DYM: variants seen among roughly 807,000 people sequenced by gnomAD.
The protein encoded by DYM is dyggve-Melchior-Clausen syndrome protein.
In DYM, 78 loss-of-function variants were observed where a neutral mutation model predicts 93.1. The ratio of observed to expected loss-of-function variants is 0.84; its 90% CI spans 0.70 to 1.01. The LOEUF is 1.01. Ranked by LOEUF, DYM falls within the 50% of genes least tolerant of loss-of-function variation. The pLI is 0.00. For missense variants in DYM, 789 were observed against 845.0 expected, an observed-to-expected ratio of 0.93 and a Z score of 0.82; for synonymous variants, 321 against 319.7, an observed-to-expected ratio of 1.00 and a Z score of -0.04.
rs534420412 is a variant in DYM, at chr18:49,056,827, G to A, written c.2026-12623C>T. Among the ~76,000 whole-genome samples, 24 of 152,212 alleles carry A rather than the reference G, an allele frequency of 1.6e-4. 1 individual carries two copies. Among genetic ancestry groups the A allele is most frequent in the African/African-American group, 3.1e-4 (13 of 41,508 alleles). On this transcript the variant is annotated intron_variant, in intron 17 of 17. Transcript: ENST00000675505. ...CTCCCAAAGTGCTGCGATTACAGGC[G>A]TGAGCCACCGCGCCCGGCCACACCT...
chr18:49,204,393 C>G (rs1466832188), intron 14 of DYM, among the ~76,000 whole-genome samples: 1 of 152,208 alleles, frequency 6.6e-6, no homozygotes, highest in Non-Finnish European at 1.5e-5. Context: ...TAACTCAACA[C>G]TAAACTTAGC....
At chr18:49,063,134 C>T (rs973659521) in intron 17 of DYM, among the ~76,000 whole-genome samples, 4 of 152,116 alleles carry the variant, frequency 2.6e-5, no homozygotes, top group Non-Finnish European at 5.9e-5. Flanking sequence ...AGAAAAAGCA[C>T]ATATTCAGCA....
In DYM at chr18:49,368,036, T is replaced by A. The variant is rs77833494; in HGVS notation, c.422-4803A>T. Among the ~76,000 whole-genome samples the A allele has an allele frequency of 3.4e-3, 521 of 152,286 alleles. 3 individuals are homozygous for A. Among genetic ancestry groups the A allele is most frequent in the African/African-American group, 0.012 (483 of 41,554 alleles). Reference sequence around the variant, plus strand: ...CAAAACCAAAAATGTCTCTTGTAGGTTAATCATAAAGAGGAAAGGCAAAAG... The same window carrying A: ...CAAAACCAAAAATGTCTCTTGTAGGATAATCATAAAGAGGAAAGGCAAAAG... On this transcript the variant is annotated intron_variant, in intron 5 of 17. Transcript: ENST00000675505.
intron 2 of DYM, among the ~76,000 whole-genome samples, chr18:49,414,639 C>G (rs1181982446): frequency 1.3e-5 from 2 of 152,164 alleles, no homozygotes; most frequent in African/African-American, 4.8e-5. Context: ...ACACTCGCTG[C>G]CCCTCTACCT....
Position 49,040,296 on chromosome 18 carries a change from T to C in DYM, c.*3759A>G, listed in dbSNP as rs558811375. 3.5e-4 allele frequency among the ~76,000 whole-genome samples: 54 copies of C among 152,336 alleles called. No individual in the cohort carries two copies. Among genetic ancestry groups the C allele is most frequent in the African/African-American group, 1.2e-3 (49 of 41,582 alleles). On this transcript the variant is annotated 3_prime_UTR_variant, in exon 18 of 18. Transcript: ENST00000675505. ...TTTTGCTAATGCCAGAGGCTGTGTC[T>C]GAGTAGCTGACATTTAGACAGCCTT...
chr18:49,274,428 T>C (rs927609120), intron 10 of DYM, among the ~76,000 whole-genome samples: 1 of 152,180 alleles, frequency 6.6e-6, no homozygotes, highest in African/African-American at 2.4e-5. Context: ...ACTTTTTTGC[T>C]ATTATGAACA....
intron 11 of DYM, among the ~76,000 whole-genome samples, chr18:49,271,521 G>T (rs1245623921): frequency 6.6e-6 from 1 of 152,054 alleles, no homozygotes; most frequent in Non-Finnish European, 1.5e-5. Context: ...CACAATATAA[G>T]TATGTTACTT....
At chr18:49,247,866 G>A (rs1003964489) in intron 13 of DYM, among the ~76,000 whole-genome samples, 2 of 152,074 alleles carry the variant, frequency 1.3e-5, no homozygotes, top group African/African-American at 4.8e-5. Flanking sequence ...CCTTAAGAAA[G>A]GACTAAACTA....
At chr18:49,246,522 G>GA (rs1173949782) in intron 13 of DYM, among the ~76,000 whole-genome samples, 5 of 151,052 alleles carry the variant, frequency 3.3e-5, no homozygotes, top group Non-Finnish European at 7.4e-5. Flanking sequence ...TCTGTTCTGG[G>GA]AAAAATACTA....
chr18:49,264,561 C>T (rs1339856744), intron 11 of DYM, among the ~76,000 whole-genome samples: 1 of 152,112 alleles, frequency 6.6e-6, no homozygotes. Context: ...CAGAATATTT[C>T]AGTTGCTTTA....
chr18:49,204,186 A>G (rs2092346815), intron 14 of DYM, among the ~76,000 whole-genome samples: 3 of 152,254 alleles, frequency 2.0e-5, no homozygotes, highest in African/African-American at 7.2e-5. Flanking sequence ...CTGGCAAAGT[A>G]TTAACTAGTC....
At chr18:49,285,960 C>G (rs2059637226) in intron 9 of DYM, among the ~76,000 whole-genome samples, 1 of 152,166 alleles carries the variant, frequency 6.6e-6, no homozygotes, top group Non-Finnish European at 1.5e-5. Context: ...GGAAAAACGG[C>G]AAGGCTAACA....
chr18:49,430,498 T>C, intron 1 of DYM, 51 bp from the exon 2 acceptor site: 1 of 1,353,374 alleles, frequency 7.4e-7, no homozygotes, highest in Non-Finnish European at 1.0e-6. Flanking sequence ...GTCATCATGC[T>C]TTGTCTACCT....
intron 11 of DYM, among the ~76,000 whole-genome samples, chr18:49,259,501 G>A (rs922168562): frequency 1.3e-5 from 2 of 152,216 alleles, no homozygotes; most frequent in Non-Finnish European, 2.9e-5. Flanking sequence ...GATAGGGAGA[G>A]AGTGCTATAG....
intron 13 of DYM, among the ~76,000 whole-genome samples, chr18:49,218,269 C>T (rs990371053): frequency 2.2e-4 from 33 of 152,138 alleles, no homozygotes; most frequent in Non-Finnish European, 3.8e-4. Flanking sequence ...TCCTGAGGGA[C>T]CTACAAAGAG....
At chr18:49,184,593 G>T (rs78404703) in intron 14 of DYM, among the ~76,000 whole-genome samples, 1 of 152,052 alleles carries the variant, frequency 6.6e-6, no homozygotes, top group Non-Finnish European at 1.5e-5. Context: ...ATGGTTTTTT[G>T]ATCTGATAAC....
chr18:49,435,826 C>T (rs548533196), intron 1 of DYM, among the ~76,000 whole-genome samples: 1 of 152,006 alleles, frequency 6.6e-6, no homozygotes, highest in Non-Finnish European at 1.5e-5. Flanking sequence ...AAAGAATCTA[C>T]ATGTCCCAGA....
chr18:49,323,885 T>G (rs905229345), intron 8 of DYM, among the ~76,000 whole-genome samples: 3 of 152,182 alleles, frequency 2.0e-5, no homozygotes, highest in African/African-American at 7.2e-5. Flanking sequence ...TGATGGCTGA[T>G]GCCTGTAATT....
intron 8 of DYM, among the ~76,000 whole-genome samples, chr18:49,294,988 T>C (rs1192578741): frequency 6.6e-6 from 1 of 152,156 alleles, no homozygotes; most frequent in Non-Finnish European, 1.5e-5. Flanking sequence ...TAACGGTCAA[T>C]AGACACGTAA....
Sources: allele counts gnomAD v4.1 joint callset (sites outside exome capture counted in the v4.1 genomes callset), GRCh38; gene constraint gnomAD v4.1.1; transcripts MANE v1.5; gene names NCBI Gene and HGNC (gene_info 2026-07-23, HGNC 2026-07-21).